DLGAP1: variants seen among roughly 807,000 people sequenced by gnomAD.
The protein encoded by DLGAP1 is disks large-associated protein 1.
In DLGAP1, 11 loss-of-function variants were observed where a neutral mutation model predicts 90.8. The observed-to-expected ratio is 0.12, with a 90% confidence interval of 0.08 to 0.20. The LOEUF is 0.20. Ranked by LOEUF, DLGAP1 falls within the 10% of genes least tolerant of loss-of-function variation. The pLI is 1.00. For synonymous variants in DLGAP1, 558 were observed against 540.7 expected (o/e 1.03, Z -0.44); for missense variants, 1,050 against 1,333.8 (o/e 0.79, Z 3.31).
chr18:3,864,293 C>T (rs1042512703), intron 4 of DLGAP1, among the ~76,000 whole-genome samples: 1 of 152,110 alleles, frequency 6.6e-6, no homozygotes, highest in Non-Finnish European at 1.5e-5. Context: ...CTAATAACAC[C>T]TTCAAAAACA....
At chr18:3,718,384 C>T (rs9789098) in intron 7 of DLGAP1, among the ~76,000 whole-genome samples, 151,029 of 152,206 alleles carry the variant, frequency 0.99, 74,932 homozygotes, top group Middle Eastern at 1. Context: ...CTTTGACTGG[C>T]CTCCCCTTTG....
chr18:4,143,128 G>A (rs144669549), intron 2 of DLGAP1, among the ~76,000 whole-genome samples: 4 of 152,044 alleles, frequency 2.6e-5, no homozygotes, highest in East Asian at 3.9e-4. Flanking sequence ...TGGCTACCAC[G>A]TATATTTGCT....
chr18:4,325,930 A>G (rs2080807233), intron 1 of DLGAP1, among the ~76,000 whole-genome samples: 1 of 152,204 alleles, frequency 6.6e-6, no homozygotes, highest in African/African-American at 2.4e-5. Context: ...CCTAGGAAAC[A>G]CCATTCTAAA....
intron 1 of DLGAP1, among the ~76,000 whole-genome samples, chr18:4,322,863 A>G (rs947766448): frequency 4.1e-5 from 6 of 144,960 alleles, no homozygotes; most frequent in Non-Finnish European, 9.0e-5. Context: ...CAGGAGGCTG[A>G]GACAGGAGAC....
At chr18:3,918,784 T>C (rs1413707266) in intron 3 of DLGAP1, among the ~76,000 whole-genome samples, 8 of 151,910 alleles carry the variant, frequency 5.3e-5, no homozygotes, top group African/African-American at 1.9e-4. Flanking sequence ...AGTGATGAGG[T>C]CTTGAACTAG....
At chr18:3,798,120 T>G (rs35091618) in intron 5 of DLGAP1, among the ~76,000 whole-genome samples, 1,989 of 152,290 alleles carry the variant, frequency 0.013, 125 homozygotes, top group Admixed American at 0.11. Flanking sequence ...AGCATGAAAA[T>G]GGACTAATAT....
At chr18:4,242,210 T>C (rs1309093423) in intron 1 of DLGAP1, among the ~76,000 whole-genome samples, 1 of 152,196 alleles carries the variant, frequency 6.6e-6, no homozygotes, top group South Asian at 2.1e-4. Flanking sequence ...GGGAAGATTA[T>C]AGCTTTCTCC....
chr18:3,651,918 C>T (rs1371437206), intron 7 of DLGAP1, among the ~76,000 whole-genome samples: 1 of 151,992 alleles, frequency 6.6e-6, no homozygotes, highest in African/African-American at 2.4e-5. Context: ...TTGCAGCGAG[C>T]CGAGATCACG....
intron 2 of DLGAP1, among the ~76,000 whole-genome samples, chr18:4,063,246 A>C (rs1418081101): frequency 2.0e-5 from 3 of 152,104 alleles, no homozygotes; most frequent in Non-Finnish European, 4.4e-5. Context: ...ATATTCTCCT[A>C]TCAATATATT....
chr18:3,990,663 T>TAAA (rs1555720444), intron 3 of DLGAP1, among the ~76,000 whole-genome samples: 2 of 139,366 alleles, frequency 1.4e-5, no homozygotes, highest in Admixed American at 7.2e-5. Flanking sequence ...ATAATAATAA[T>TAAA]AAAAAGAAAT....
chr18:4,095,235 G>A (rs769270325), intron 2 of DLGAP1, among the ~76,000 whole-genome samples: 2 of 152,030 alleles, frequency 1.3e-5, no homozygotes, highest in African/African-American at 2.4e-5. Context: ...TTTTTTTTCC[G>A]GTTTCATAAA....
intron 10 of DLGAP1, among the ~76,000 whole-genome samples, chr18:3,520,001 A>G (rs1190158949): frequency 6.6e-6 from 1 of 152,196 alleles, no homozygotes; most frequent in Non-Finnish European, 1.5e-5. Context: ...CCTATGTAAC[A>G]AACCTGCACG....
At chr18:3,656,192 T>G in intron 7 of DLGAP1, 3 of 1,213,796 alleles carry the variant, frequency 2.5e-6, no homozygotes, top group Non-Finnish European at 3.4e-6. Flanking sequence ...ACACGCATGC[T>G]TCAGATTTGG....
At chr18:4,440,160 A>G (rs549214687) in intron 1 of DLGAP1, among the ~76,000 whole-genome samples, 3 of 151,460 alleles carry the variant, frequency 2.0e-5, no homozygotes, top group Admixed American at 6.6e-5. Flanking sequence ...AGAGAGAAAA[A>G]TAAGTGCCAG....
intron 7 of DLGAP1, among the ~76,000 whole-genome samples, chr18:3,629,873 T>G (rs1398994080): frequency 6.6e-6 from 1 of 152,164 alleles, no homozygotes; most frequent in Non-Finnish European, 1.5e-5. Context: ...AATAGGCAAA[T>G]GTAGCAATCT....
intron 1 of DLGAP1, among the ~76,000 whole-genome samples, chr18:4,253,451 C>T (rs1386116846): frequency 6.6e-6 from 1 of 152,140 alleles, no homozygotes; most frequent in Non-Finnish European, 1.5e-5. Flanking sequence ...CACTCTGTCA[C>T]CCAGGCTGGA....
At chr18:4,398,586 C>T (rs943894323) in intron 1 of DLGAP1, among the ~76,000 whole-genome samples, 3 of 152,072 alleles carry the variant, frequency 2.0e-5, no homozygotes, top group African/African-American at 4.8e-5. Context: ...AAGATGATTG[C>T]GGGGGATGGA....
chr18:4,325,215 A>C (rs1423864815), intron 1 of DLGAP1, among the ~76,000 whole-genome samples: 1 of 152,148 alleles, frequency 6.6e-6, no homozygotes, highest in Admixed American at 6.6e-5. Context: ...CTATACACCA[A>C]CAGCCAAGCT....
Position 4,017,789 on chromosome 18 carries a change from A to G in DLGAP1, c.-158-12588T>C, listed in dbSNP as rs116935350. On this transcript the variant is annotated intron_variant, in intron 2 of 12. Coordinates refer to ENST00000315677, the MANE Select transcript of DLGAP1 (RefSeq NM_004746.4). ...TCAGGTGAATGGTTTGCCAGTTATC[A>G]ATGTTTGCTTTGCCGATTAGTGAAA... Among the ~76,000 whole-genome samples, 9 of 152,350 alleles carry G rather than the reference A, an allele frequency of 5.9e-5. No homozygotes were observed. The East Asian group carries it at 1.7e-3, about 29-fold the overall frequency.
Sources: allele counts gnomAD v4.1 joint callset (sites outside exome capture counted in the v4.1 genomes callset), GRCh38; gene constraint gnomAD v4.1.1; transcripts MANE v1.5; gene names NCBI Gene and HGNC (gene_info 2026-07-23, HGNC 2026-07-21).